The following NTNG1 variants were observed in gnomAD, a reference collection of about 807,000 sequenced individuals.
NTNG1 encodes netrin G1.
Under a neutral mutation model 54.0 loss-of-function variants are expected in NTNG1, and 16 were observed. That is an observed-to-expected ratio of 0.30 (90% CI 0.20 to 0.45). NTNG1 has a LOEUF of 0.45. Ranked by LOEUF, NTNG1 falls within the 20% of genes least tolerant of loss-of-function variation. The pLI is 1.00. For synonymous variants in NTNG1, 255 were observed against 263.1 expected (o/e 0.97, Z 0.30); for missense variants, 530 against 678.7 (o/e 0.78, Z 2.43).
intron 3 of NTNG1, among the ~76,000 whole-genome samples, chr1:107,359,080 A>C (rs780543858): frequency 4.6e-5 from 7 of 152,198 alleles, no homozygotes; most frequent in Non-Finnish European, 1.0e-4. Context: ...ACACACAGGA[A>C]ATTGCAGCTC....
chr1:107,149,828 A>G (rs935699739), intron 2 of NTNG1, among the ~76,000 whole-genome samples: 4 of 152,072 alleles, frequency 2.6e-5, no homozygotes, highest in Admixed American at 2.0e-4. Flanking sequence ...TTTTCTCCAC[A>G]TAACAGATAT....
chr1:107,376,521 A>G (rs1160827182), intron 3 of NTNG1, among the ~76,000 whole-genome samples: 1 of 152,196 alleles, frequency 6.6e-6, no homozygotes, highest in African/African-American at 2.4e-5. Flanking sequence ...CCCAGTTAAA[A>G]AGGCAAAGGA....
intron 2 of NTNG1, among the ~76,000 whole-genome samples, chr1:107,163,478 G>C (rs915845606): frequency 8.5e-5 from 13 of 152,120 alleles, no homozygotes; most frequent in Admixed American, 8.5e-4. Flanking sequence ...TGCTTTGAAT[G>C]AATCTTCTGA....
chr1:107,289,157 G>C (rs1172112680), intron 2 of NTNG1, among the ~76,000 whole-genome samples: 1 of 151,984 alleles, frequency 6.6e-6, no homozygotes. Context: ...AAATTCATAC[G>C]TGCTCTGAAT....
intron 2 of NTNG1, among the ~76,000 whole-genome samples, chr1:107,158,618 G>A (rs1346303791): frequency 6.6e-6 from 1 of 152,078 alleles, no homozygotes; most frequent in African/African-American, 2.4e-5. Flanking sequence ...TTGCTTTCCT[G>A]TTGCTCCCTT....
intron 3 of NTNG1, among the ~76,000 whole-genome samples, chr1:107,376,791 C>G (rs1478585722): frequency 6.6e-6 from 1 of 152,108 alleles, no homozygotes; most frequent in Non-Finnish European, 1.5e-5. Context: ...GTCCCAGCTT[C>G]CAGTCTTCTT....
At chr1:107,306,889 A>G (rs1666727527) in intron 2 of NTNG1, among the ~76,000 whole-genome samples, 1 of 152,204 alleles carries the variant, frequency 6.6e-6, no homozygotes, top group Non-Finnish European at 1.5e-5. Context: ...CATAGTCTTC[A>G]TTGTATACCT....
intron 2 of NTNG1, among the ~76,000 whole-genome samples, chr1:107,170,539 A>G (rs1001983285): frequency 5.3e-5 from 8 of 152,172 alleles, no homozygotes; most frequent in African/African-American, 1.4e-4. Context: ...AAAGAAAATA[A>G]TTATTTAAAT....
chr1:107,373,945 T>A (rs1671078377), intron 3 of NTNG1, among the ~76,000 whole-genome samples: 1 of 152,160 alleles, frequency 6.6e-6, no homozygotes. Context: ...CAAGAAATCC[T>A]CCTGCCTCGG....
At chr1:107,243,642 G>A (rs1044072975) in intron 2 of NTNG1, among the ~76,000 whole-genome samples, 3 of 152,160 alleles carry the variant, frequency 2.0e-5, no homozygotes, top group Non-Finnish European at 4.4e-5. Flanking sequence ...GTCGTAGTGT[G>A]CACTGCAGCC....
chr1:107,338,627 T>A (rs1668727706), intron 3 of NTNG1, among the ~76,000 whole-genome samples: 1 of 151,912 alleles, frequency 6.6e-6, no homozygotes, highest in African/African-American at 2.4e-5. Context: ...TTCCAGGTAG[T>A]TCTAAGCACC....
chr1:107,300,700 T>C (rs1666263185), intron 2 of NTNG1, among the ~76,000 whole-genome samples: 1 of 152,202 alleles, frequency 6.6e-6, no homozygotes, highest in Non-Finnish European at 1.5e-5. Flanking sequence ...ATTCATCTCT[T>C]CTTTTTTAAA....
intron 2 of NTNG1, among the ~76,000 whole-genome samples, chr1:107,293,389 A>G (rs1439623022): frequency 6.6e-6 from 1 of 152,242 alleles, no homozygotes; most frequent in Non-Finnish European, 1.5e-5. Flanking sequence ...AATTGGAAAA[A>G]CAGATAAGCT....
intron 2 of NTNG1, among the ~76,000 whole-genome samples, chr1:107,248,957 CA>C (rs1662380895): frequency 6.8e-6 from 1 of 147,008 alleles, no homozygotes; most frequent in African/African-American, 2.6e-5. Flanking sequence ...AAGACCAGCC[CA>C]GCCAACATGG....
intron 5 of NTNG1, among the ~76,000 whole-genome samples, chr1:107,415,685 C>A (rs1401472867): frequency 6.6e-6 from 1 of 152,006 alleles, no homozygotes; most frequent in African/African-American, 2.4e-5. Flanking sequence ...GAAATTAATA[C>A]ATTCCACAAC....
chr1:107,271,082 T>C (rs763053329), intron 2 of NTNG1, among the ~76,000 whole-genome samples: 12 of 152,168 alleles, frequency 7.9e-5, no homozygotes, highest in Non-Finnish European at 1.8e-4. Flanking sequence ...GACACAAATC[T>C]AAAATTAAGA....
At chr1:107,266,488 C>G (rs1663744555) in intron 2 of NTNG1, among the ~76,000 whole-genome samples, 1 of 151,956 alleles carries the variant, frequency 6.6e-6, no homozygotes, top group African/African-American at 2.4e-5. Flanking sequence ...TGAGAAGTCA[C>G]CATCATGAAA....
chr1:107,474,613 A>T (rs1193394881), intron 7 of NTNG1, among the ~76,000 whole-genome samples: 1 of 152,232 alleles, frequency 6.6e-6, no homozygotes, highest in Non-Finnish European at 1.5e-5. Flanking sequence ...AATGAATAGA[A>T]GTTTATCAAC....
chr1:107,315,628 A>G (rs1667291850), intron 2 of NTNG1, among the ~76,000 whole-genome samples: 1 of 151,984 alleles, frequency 6.6e-6, no homozygotes, highest in African/African-American at 2.4e-5. Context: ...GCCAAGAATG[A>G]TCTCCCTCCC....
Sources: gnomAD v4.1 joint callset for allele counts (sites outside exome capture counted in the v4.1 genomes callset) on GRCh38, gnomAD v4.1.1 for gene constraint, MANE v1.5 for transcripts, NCBI Gene and HGNC (gene_info 2026-07-23, HGNC 2026-07-21) for gene names.